The following ACSF2 variants were observed in gnomAD, a reference collection of about 807,000 sequenced individuals.
The protein encoded by ACSF2 is acyl-CoA synthetase family member 2.
Under a neutral mutation model 79.3 loss-of-function variants are expected in ACSF2, and 52 were observed. The observed-to-expected ratio is 0.66, with a 90% CI of 0.53 to 0.83. The LOEUF (loss-of-function observed/expected upper bound fraction) is 0.83, where lower values mean the gene tolerates loss of function less well. ACSF2 is among the 40% of genes least tolerant of loss of function. The probability of loss-of-function intolerance (pLI) is 0.00; values close to 1 mark genes in which losing one functional copy is unlikely to be tolerated. For missense variants in ACSF2, 661 were observed against 803.3 expected (o/e 0.82, Z 2.14); for synonymous variants, 283 against 312.6 (o/e 0.91, Z 1.00).
rs747334624 is a variant in ACSF2 at position 50,473,711 on chromosome 17, C to T, written c.1522C>T (p.Arg508Cys). 11 of 1,614,084 alleles carry T rather than the reference C, an allele frequency of 6.8e-6. No individual in the cohort carries two copies. The highest frequency in any genetic ancestry group is 4.4e-5 in the South Asian group (4 of 91,090). The change falls in exon 13 of 16, where the codon CGC (arginine) becomes TGC (cysteine). Residue 508 changes from arginine (R) to cysteine (C), a missense_variant. Coordinates refer to ENST00000300441, the MANE Select transcript of ACSF2 (RefSeq NM_025149.6). ...NEQGFCKIVG[R>C]SKDMIIRGGE... ...GCAGGGCTTCTGCAAGATCGTGGGC[C>T]GCTCTAAGGATATGATCATCCGGGG...
At chr17:50,460,104 A>G (rs1437361686) in intron 1 of ACSF2, 1 of 449,016 alleles carries the variant, frequency 2.2e-6, no homozygotes, top group Non-Finnish European at 4.5e-6. Flanking sequence ...CTGAACACCT[A>G]CAGGCCTGTG....
chr17:50,468,908 TACGGTGGCCCTG>T, intron 10 of ACSF2: 1 of 1,423,340 alleles, frequency 7.0e-7, no homozygotes, highest in Non-Finnish European at 9.1e-7. Flanking sequence ...GCCCTCTTTA[TACGGTGGCCCTG>T]ACCGCAGCCG....
chr17:50,436,428 CTGT>C lies in ACSF2; in HGVS notation c.128+10047_128+10049del, dbSNP rs371727960. Reference sequence around the variant, plus strand: ...ACAGGCGTGAGCCACCACGCCCGGCCTGTTGTTGTTATTATTTTCCTGCGACAG... The same window carrying C: ...ACAGGCGTGAGCCACCACGCCCGGCCTGTTGTTATTATTTTCCTGCGACAG... On this transcript the variant is annotated intron_variant, in intron 1 of 15. Transcript: ENST00000300441. Among the ~76,000 whole-genome samples, 37 of 150,970 alleles carry C rather than the reference CTGT, an allele frequency of 2.5e-4. No individual in the cohort carries two copies. The East Asian group carries it at 7.3e-3, about 30-fold the overall frequency.
At chr17:50,460,446 C>T (rs1410820982) in intron 1 of ACSF2, 1 of 569,240 alleles carries the variant, frequency 1.8e-6, no homozygotes, top group Non-Finnish European at 3.1e-6. Flanking sequence ...GAAGGAGGGC[C>T]CTTTGCTCCA....
At chr17:50,473,371 G>A in intron 12 of ACSF2, 1 of 375,724 alleles carries the variant, frequency 2.7e-6, no homozygotes, top group Non-Finnish European at 4.9e-6. Flanking sequence ...AGTGGACAGA[G>A]AAGATGTCTG....
At chr17:50,459,075 G>A (rs2032184528) in intron 1 of ACSF2, among the ~76,000 whole-genome samples, 1 of 152,222 alleles carries the variant, frequency 6.6e-6, no homozygotes, top group East Asian at 1.9e-4. Flanking sequence ...GCCATGAATG[G>A]ATGGTAAAAT....
At chr17:50,473,592 A>G in intron 12 of ACSF2, 73 bp from the exon 13 acceptor site, 1 of 1,601,914 alleles carries the variant, frequency 6.2e-7, no homozygotes, top group South Asian at 1.1e-5. Flanking sequence ...TGGTCAATAA[A>G]TGTTTCACGA....
At chr17:50,466,740 C>T (rs2032754471) in intron 10 of ACSF2, among the ~76,000 whole-genome samples, 1 of 152,218 alleles carries the variant, frequency 6.6e-6, no homozygotes, top group Non-Finnish European at 1.5e-5. Context: ...CCAGGTTGGA[C>T]GGCTCCAGAG....
chr17:50,436,808 A>G (rs868737330), intron 1 of ACSF2, among the ~76,000 whole-genome samples: 1 of 151,932 alleles, frequency 6.6e-6, no homozygotes, highest in South Asian at 2.1e-4. Flanking sequence ...ATGGCCATCA[A>G]TTAAGAAAAT....
chr17:50,440,456 G>A (rs1396704103), intron 1 of ACSF2, among the ~76,000 whole-genome samples: 2 of 152,186 alleles, frequency 1.3e-5, no homozygotes, highest in Non-Finnish European at 2.9e-5. Context: ...TATGTAACAG[G>A]AGGCAAAACA....
At chr17:50,457,085 T>TAA (rs376407390) in intron 1 of ACSF2, among the ~76,000 whole-genome samples, 1 of 141,952 alleles carries the variant, frequency 7.0e-6, no homozygotes, top group Non-Finnish European at 1.5e-5. Context: ...AGACAAACAA[T>TAA]AAAAAAAAAA....
intron 1 of ACSF2, among the ~76,000 whole-genome samples, chr17:50,453,065 A>C (rs1314823743): frequency 6.6e-6 from 1 of 152,130 alleles, no homozygotes; most frequent in Non-Finnish European, 1.5e-5. Context: ...ATGGGCAGGC[A>C]TGGCTGTAAC....
chr17:50,443,384 T>C (rs1488340253), intron 1 of ACSF2, among the ~76,000 whole-genome samples: 1 of 152,160 alleles, frequency 6.6e-6, no homozygotes, highest in Non-Finnish European at 1.5e-5. Flanking sequence ...GAATCCAGAT[T>C]TACAGGTTTT....
intron 3 of ACSF2, 34 bp from the exon 4 acceptor site, chr17:50,461,599 C>T: frequency 6.2e-7 from 1 of 1,613,990 alleles, no homozygotes; most frequent in Admixed American, 1.7e-5. Context: ...AGGGTCTGCC[C>T]AGAATACTGA....
At chr17:50,428,997 G>T (rs563353035) in intron 1 of ACSF2, among the ~76,000 whole-genome samples, 1 of 152,376 alleles carries the variant, frequency 6.6e-6, no homozygotes, top group African/African-American at 2.4e-5. Context: ...TGAGGAATGC[G>T]CTTGGACTTT....
rs149022149 is a variant in ACSF2, at chr17:50,465,020, G to T, written c.1215+726G>T. On this transcript the variant is annotated intron_variant, in intron 10 of 15. Transcript: ENST00000300441. ...GTAGTCTCTCCGGTGGAAGGCAGAGGCCAGTCACCAGGACTGGCTGGGTCA... is the reference window on the plus strand; with the variant it reads ...GTAGTCTCTCCGGTGGAAGGCAGAGTCCAGTCACCAGGACTGGCTGGGTCA... 4.7e-3 allele frequency: 2,181 copies of T among 466,474 alleles called. 13 individuals are homozygous for T. The highest frequency in any genetic ancestry group is 6.6e-3 in the Non-Finnish European group (1,680 of 255,480). 28.9% of individuals were successfully genotyped at this position (466,474 alleles called of 1,614,324 possible).
At chr17:50,453,529 T>G (rs2031804365) in intron 1 of ACSF2, among the ~76,000 whole-genome samples, 1 of 152,066 alleles carries the variant, frequency 6.6e-6, no homozygotes, top group African/African-American at 2.4e-5. Flanking sequence ...TTTCTAGGAT[T>G]ATATTAGTGT....
At chr17:50,446,339 T>C (rs1460045226) in intron 1 of ACSF2, among the ~76,000 whole-genome samples, 1 of 151,976 alleles carries the variant, frequency 6.6e-6, no homozygotes, top group Non-Finnish European at 1.5e-5. Flanking sequence ...CTCACTGCAA[T>C]CTCCGCCTCC....
At position 50,461,348 on chromosome 17, in the gene ACSF2, C is replaced by T. The variant is rs1241962270; in HGVS notation, c.431C>T (p.Thr144Ile). The T allele has an allele frequency of 6.2e-7, 1 of 1,614,104 alleles. No homozygotes were observed. Among genetic ancestry groups the T allele is most frequent in the Non-Finnish European group, 8.5e-7 (1 of 1,180,014 alleles). ...SYAWVLMQLATAQAGIILVSV... is the reference protein window; with the variant it reads ...SYAWVLMQLAIAQAGIILVSV... ...GCATGGGTGCTCATGCAGTTGGCCA[C>T]CGCCCAGGCGGGCATCATTCTGGTG... is the stretch of plus-strand genomic sequence containing the variant. Residue 144 changes from threonine (T) to isoleucine (I), a missense_variant, in exon 3 of 16, where the codon ACC becomes ATC. Coordinates refer to ENST00000300441, the MANE Select transcript of ACSF2 (RefSeq NM_025149.6).
Sources: gnomAD v4.1 joint callset for allele counts (sites outside exome capture counted in the v4.1 genomes callset) on GRCh38, gnomAD v4.1.1 for gene constraint, MANE v1.5 for transcripts, NCBI Gene and HGNC (gene_info 2026-07-23, HGNC 2026-07-21) for gene names.